ZMAT4: variants seen among roughly 807,000 people sequenced by gnomAD.
ZMAT4 encodes zinc finger matrin-type protein 4.
Under a neutral mutation model 28.7 loss-of-function variants are expected in ZMAT4, and 17 were observed. The observed-to-expected ratio is 0.59, with a 90% CI of 0.41 to 0.89. ZMAT4 has a LOEUF of 0.89. ZMAT4 is among the 40% of genes least tolerant of loss of function. The probability of loss-of-function intolerance (pLI) is 0.00; values close to 1 mark genes in which losing one functional copy is unlikely to be tolerated. For synonymous variants in ZMAT4, 117 were observed against 109.2 expected (o/e 1.07, Z -0.44); for missense variants, 240 against 283.8 (o/e 0.85, Z 1.11).
At chr8:40,862,643 A>T (rs1046137495) in intron 1 of ZMAT4, among the ~76,000 whole-genome samples, 9 of 150,786 alleles carry the variant, frequency 6.0e-5, no homozygotes, top group African/African-American at 1.7e-4. Context: ...ATGCAGCCAT[A>T]AAAAAGGATG....
intron 1 of ZMAT4, among the ~76,000 whole-genome samples, chr8:40,842,436 T>C (rs1300114964): frequency 6.6e-6 from 1 of 152,256 alleles, no homozygotes; most frequent in African/African-American, 2.4e-5. Context: ...CCAGTTATCT[T>C]TCTTTCTTTT....
At chr8:40,598,355 G>A (rs1371827101) in intron 5 of ZMAT4, among the ~76,000 whole-genome samples, 1 of 152,038 alleles carries the variant, frequency 6.6e-6, no homozygotes, top group African/African-American at 2.4e-5. Context: ...TAATGCTCTC[G>A]CTTCCCTCAC....
At chr8:40,782,042 A>G (rs191941800) in intron 2 of ZMAT4, among the ~76,000 whole-genome samples, 150 of 152,272 alleles carry the variant, frequency 9.9e-4, no homozygotes, top group African/African-American at 3.3e-3. Flanking sequence ...TGTGACACCA[A>G]AAGCACATGT....
intron 3 of ZMAT4, among the ~76,000 whole-genome samples, chr8:40,754,792 C>A (rs979945004): frequency 6.6e-6 from 1 of 152,080 alleles, no homozygotes; most frequent in Non-Finnish European, 1.5e-5. Flanking sequence ...CGGGAAGAAT[C>A]GTTTGAGGCC....
intron 2 of ZMAT4, among the ~76,000 whole-genome samples, chr8:40,784,060 T>TACC (rs754576888): frequency 6.1e-4 from 92 of 151,894 alleles, no homozygotes; most frequent in Non-Finnish European, 1.1e-3. Flanking sequence ...CTCTCTTCTC[T>TACC]ACCACCACCA....
Position 40,860,764 on chromosome 8 carries a change from G to A in ZMAT4, c.-4-35084C>T, listed in dbSNP as rs541825289. ...CCCTTGTCTGTTTGAAATGGGAGAAGCAGCAAGCATGGCTCTGCCTGGTCG... is the reference window on the plus strand; with the variant it reads ...CCCTTGTCTGTTTGAAATGGGAGAAACAGCAAGCATGGCTCTGCCTGGTCG... On this transcript the variant is annotated intron_variant, in intron 1 of 6. Transcript: ENST00000297737. Among the ~76,000 whole-genome samples the A allele has an allele frequency of 1.7e-4, 26 of 152,336 alleles. No individual in the cohort carries two copies. In the South Asian group the frequency reaches 4.4e-3, roughly 25 times the overall value.
intron 1 of ZMAT4, among the ~76,000 whole-genome samples, chr8:40,844,137 G>GT (rs1157591338): frequency 3.3e-5 from 5 of 152,184 alleles, no homozygotes; most frequent in South Asian, 2.1e-4. Context: ...AGAGAATATT[G>GT]TTTTTTTCTA....
At chr8:40,751,193 A>C (rs1158653110) in intron 3 of ZMAT4, among the ~76,000 whole-genome samples, 1 of 152,140 alleles carries the variant, frequency 6.6e-6, no homozygotes, top group Non-Finnish European at 1.5e-5. Context: ...CAACTTTATT[A>C]AGCCACTCTT....
chr8:40,706,126 C>G (rs1447451737), intron 3 of ZMAT4, among the ~76,000 whole-genome samples: 1 of 152,174 alleles, frequency 6.6e-6, no homozygotes, highest in Non-Finnish European at 1.5e-5. Flanking sequence ...GATCTCAGCT[C>G]ACTGCGAACT....
chr8:40,724,468 T>C (rs1367865168), intron 3 of ZMAT4, among the ~76,000 whole-genome samples: 1 of 152,232 alleles, frequency 6.6e-6, no homozygotes, highest in Non-Finnish European at 1.5e-5. Flanking sequence ...CATTGGACAA[T>C]GTCTGAAGAT....
intron 4 of ZMAT4, among the ~76,000 whole-genome samples, chr8:40,688,794 A>G (rs898719079): frequency 1.3e-5 from 2 of 152,230 alleles, no homozygotes; most frequent in Non-Finnish European, 2.9e-5. Flanking sequence ...GAGAAATTAG[A>G]AATTATTTTC....
intron 1 of ZMAT4, among the ~76,000 whole-genome samples, chr8:40,840,337 A>T (rs1314066854): frequency 6.6e-6 from 1 of 151,664 alleles, no homozygotes; most frequent in Non-Finnish European, 1.5e-5. Flanking sequence ...CAGCTCCACG[A>T]CTCCCCATGC....
intron 4 of ZMAT4, among the ~76,000 whole-genome samples, chr8:40,678,003 G>C (rs1389843808): frequency 6.6e-6 from 1 of 152,090 alleles, no homozygotes; most frequent in Middle Eastern, 3.2e-3. Flanking sequence ...CAAAAACTCT[G>C]GGGGTGGGAA....
intron 3 of ZMAT4, among the ~76,000 whole-genome samples, chr8:40,752,606 G>T (rs553997943): frequency 1.3e-5 from 2 of 152,312 alleles, no homozygotes; most frequent in South Asian, 2.1e-4. Flanking sequence ...GGACAGCAAC[G>T]TTCCAATTCT....
At chr8:40,726,968 A>G (rs1811338444) in intron 3 of ZMAT4, among the ~76,000 whole-genome samples, 1 of 152,198 alleles carries the variant, frequency 6.6e-6, no homozygotes, top group African/African-American at 2.4e-5. Context: ...AACATTGTAA[A>G]TGTTAAAACC....
intron 6 of ZMAT4, among the ~76,000 whole-genome samples, chr8:40,561,375 G>A (rs992461106): frequency 6.6e-5 from 10 of 152,068 alleles, no homozygotes; most frequent in South Asian, 2.1e-4. Flanking sequence ...CCTGCACAGC[G>A]TTTCTTATAA....
At chr8:40,868,998 C>T in intron 1 of ZMAT4, among the ~76,000 whole-genome samples, 1 of 152,206 alleles carries the variant, frequency 6.6e-6, no homozygotes, top group East Asian at 1.9e-4. Flanking sequence ...GGATGGGCTG[C>T]ATTTTCTCTA....
chr8:40,800,670 A>T (rs79279606), intron 2 of ZMAT4, among the ~76,000 whole-genome samples: 4 of 151,854 alleles, frequency 2.6e-5, no homozygotes, highest in Non-Finnish European at 5.9e-5. Context: ...GTCAAAAAAA[A>T]CTCAAGAAAC....
chr8:40,885,407 T>C (rs1818419270), intron 1 of ZMAT4, among the ~76,000 whole-genome samples: 1 of 152,146 alleles, frequency 6.6e-6, no homozygotes, highest in Non-Finnish European at 1.5e-5. Context: ...CCGAGCCATC[T>C]CCCTTCTTGC....
Sources: gnomAD v4.1 joint callset for allele counts (sites outside exome capture counted in the v4.1 genomes callset) on GRCh38, gnomAD v4.1.1 for gene constraint, MANE v1.5 for transcripts, NCBI Gene and HGNC (gene_info 2026-07-23, HGNC 2026-07-21) for gene names.